The following MUC5B variants were observed in gnomAD, a reference collection of about 807,000 sequenced individuals.
The protein encoded by MUC5B is mucin 5B, oligomeric mucus/gel-forming.
A neutral mutation model predicts 376.9 loss-of-function variants in MUC5B; 116 were observed. The observed-to-expected ratio is 0.31, with a 90% CI of 0.26 to 0.36. MUC5B has a LOEUF of 0.36. MUC5B is among the 10% of genes least tolerant of loss of function. MUC5B has a pLI of 1.00. For synonymous variants in MUC5B, 3,517 were observed against 3,390.9 expected, an observed-to-expected ratio of 1.04 and a Z score of -1.29; for missense variants, 7,165 against 7,769.9, an observed-to-expected ratio of 0.92 and a Z score of 2.93.
At chr11:1,236,626 G>A (rs1448653278) in intron 24 of MUC5B, 64 bp downstream of exon 24, 19 of 1,529,294 alleles carry the variant, frequency 1.2e-5, no homozygotes, top group Middle Eastern at 1.9e-4. Flanking sequence ...AAACCCTGGT[G>A]CCAGGTGGGG....
At position 1,242,843 on chromosome 11, in the gene MUC5B, T is replaced by C. The variant is rs200551317; in HGVS notation, c.5963T>C (p.Leu1988Pro). 475 of 1,610,726 alleles carry C rather than the reference T, an allele frequency of 2.9e-4. No individual in the cohort carries two copies. In the African/African-American group the frequency reaches 5.8e-3, roughly 20 times the overall value. Reference sequence around the variant, plus strand: ...GTTACACCCATCCCCTCTTCCTCCCTGGGCACCACCTGGACCCGCCTATCA... The same window carrying C: ...GTTACACCCATCCCCTCTTCCTCCCCGGGCACCACCTGGACCCGCCTATCA... ...TSVTPIPSSSLGTTWTRLSQT... is the reference protein window; with the variant it reads ...TSVTPIPSSSPGTTWTRLSQT... Residue 1988 changes from leucine to proline, a missense_variant, in exon 31 of 49, where the codon CTG (leucine) becomes CCG (proline). Physicochemically the swap from Leu to Pro is moderately conservative, Grantham distance 98 (BLOSUM62 -3). Coordinates refer to ENST00000529681, the MANE Select transcript of MUC5B (RefSeq NM_002458.3).
At chr11:1,255,312 C>T (rs188561431) in intron 36 of MUC5B, 46 bp downstream of exon 36, 33,590 of 1,512,138 alleles carry the variant, frequency 0.022, 508 homozygotes, top group Non-Finnish European at 0.025. Context: ...CGCCCCCGCC[C>T]GCCCGCATGC....
At chr11:1,238,584 ATGGGCAGGTGCATAGG>A (rs915265548) in intron 25 of MUC5B, among the ~76,000 whole-genome samples, 5 of 152,290 alleles carry the variant, frequency 3.3e-5, no homozygotes, top group Admixed American at 6.5e-5. Flanking sequence ...AGGCAGGCAG[ATGGGCAGGTGCATAGG>A]TGGGCAGGTG....
Position 1,244,788 on chromosome 11 carries a change from A to G in MUC5B, c.7908A>G (p.Thr2636=), listed in dbSNP as rs1862405187. The change falls in exon 31 of 49, where the codon ACA becomes ACG. Residue 2636 remains threonine, a synonymous_variant. Coordinates refer to ENST00000529681, the MANE Select transcript of MUC5B (RefSeq NM_002458.3). ...GCACGCTTCCAGTGTGGATCAGCACAACCACCACACCCACAACCAGAGGTT... is the reference window on the plus strand; with the variant it reads ...GCACGCTTCCAGTGTGGATCAGCACGACCACCACACCCACAACCAGAGGTT... ...TARTLPVWIS[T]TTTPTTRGST... is the part of the protein sequence containing the mutation. 1 of 1,612,116 alleles carries G rather than the reference A, an allele frequency of 6.2e-7. No homozygotes were observed. The highest frequency in any genetic ancestry group is 1.7e-5 in the Admixed American group (1 of 59,818).
chr11:1,229,086 G>C (rs1861962350), intron 8 of MUC5B, 84 bp from the exon 9 acceptor site: 2 of 1,407,838 alleles, frequency 1.4e-6, no homozygotes, highest in African/African-American at 2.9e-5. Flanking sequence ...ATGGCATGTG[G>C]AAGGCCGTGG....
chr11:1,239,393 G>A (rs1285790266), intron 26 of MUC5B, 45 bp from the exon 27 acceptor site: 2 of 1,574,162 alleles, frequency 1.3e-6, no homozygotes, highest in East Asian at 4.5e-5. Flanking sequence ...CAACAGGGGT[G>A]AGGGCTGGTG....
At position 1,250,413 on chromosome 11, in the gene MUC5B, A is replaced by T. The variant is rs1862642559; in HGVS notation, c.13533A>T (p.Arg4511Ser). 1.2e-6 allele frequency: 2 copies of T among 1,611,644 alleles called. No individual in the cohort carries two copies. The highest frequency in any genetic ancestry group is 1.7e-6 in the Non-Finnish European group (2 of 1,179,110). ...CTGCAACTGCCCTTCCAGCACTGAG[A>T]AGCACAGCCACCACACCCACAGCTA... ...PGTATALPAL[R>S]STATTPTATS... is the part of the protein sequence containing the mutation. Residue 4511 changes from arginine to serine, a missense_variant, in exon 31 of 49, where the codon AGA (arginine) becomes AGT (serine). Arg to Ser is a moderately radical substitution (Grantham distance 110). Transcript: ENST00000529681.
rs986470188 is a variant in MUC5B at position 1,227,363 on chromosome 11, A to G, written c.632A>G (p.Asn211Ser). 3 of 1,612,486 alleles carry G rather than the reference A, an allele frequency of 1.9e-6. No individual in the cohort carries two copies. Among genetic ancestry groups the G allele is most frequent in the South Asian group, 2.2e-5 (2 of 91,040 alleles). The change falls in exon 6 of 49, where the codon AAC becomes AGC. Residue 211 changes from asparagine to serine, a missense_variant. Physicochemically the swap from Asn to Ser is conservative, Grantham distance 46 (BLOSUM62 1). This residue lies in a region of MUC5B where 640 missense variants were observed against 733.0 expected (regional missense o/e 0.87). Transcript: ENST00000529681. Reference sequence around the variant, plus strand: ...ACCTGTGGCCTGTGTGGGGACTTCAACGGCCTCCCGGCCTTCAACGAGTTC... The same window carrying G: ...ACCTGTGGCCTGTGTGGGGACTTCAGCGGCCTCCCGGCCTTCAACGAGTTC... ...NQTCGLCGDFNGLPAFNEFYA... is the reference protein window; with the variant it reads ...NQTCGLCGDFSGLPAFNEFYA...
At chr11:1,223,371 C>T in intron 1 of MUC5B, 178 bp downstream of exon 1, 1 of 688,036 alleles carries the variant, frequency 1.5e-6, no homozygotes, top group Non-Finnish European at 2.7e-6. Flanking sequence ...CCCACGGGCT[C>T]ACAGTGTCAG....
chr11:1,251,500 G>A lies in MUC5B; in HGVS notation c.14620G>A (p.Ala4874Thr). 1 of 1,557,168 alleles carries A rather than the reference G, an allele frequency of 6.4e-7. No homozygotes were observed. The highest frequency in any genetic ancestry group is 8.8e-7 in the Non-Finnish European group (1 of 1,134,474). ...TATASSTLGT[A>T]HTPKVVTTMA... Reference sequence around the variant, plus strand: ...CACCGCCTCCTCCACTCTGGGAACAGCTCACACCCCCAAAGTGGTGACCAC... The same window carrying A: ...CACCGCCTCCTCCACTCTGGGAACAACTCACACCCCCAAAGTGGTGACCAC... Residue 4874 changes from alanine to threonine, a missense_variant, in exon 31 of 49, where the codon GCT becomes ACT. By Grantham distance (58) the Ala-to-Thr change is moderately conservative (BLOSUM62 0). Coordinates refer to ENST00000529681, the MANE Select transcript of MUC5B (RefSeq NM_002458.3).
intron 35 of MUC5B, 61 bp downstream of exon 35, chr11:1,254,941 G>A (rs1027565226): frequency 2.4e-5 from 26 of 1,104,440 alleles, no homozygotes; most frequent in African/African-American, 8.2e-5. Context: ...AACCCAGTGA[G>A]CATAGGGGAA....
At chr11:1,224,021 C>T (rs1008778458) in intron 1 of MUC5B, among the ~76,000 whole-genome samples, 4 of 152,252 alleles carry the variant, frequency 2.6e-5, no homozygotes, top group Non-Finnish European at 5.9e-5. Flanking sequence ...GGGCTGGAGG[C>T]AGGGGGCTTC....
chr11:1,252,226 C>T (rs1295947632), intron 31 of MUC5B, 117 bp from the exon 32 acceptor site: 1 of 1,044,588 alleles, frequency 9.6e-7, no homozygotes, highest in Non-Finnish European at 1.4e-6. Flanking sequence ...GCCCTCTCCA[C>T]TCCCTTCCCT....
intron 31 of MUC5B, among the ~76,000 whole-genome samples, 176 bp from the exon 32 acceptor site, chr11:1,252,167 T>G (rs551564371): frequency 2.0e-5 from 3 of 152,126 alleles, no homozygotes; most frequent in Non-Finnish European, 4.4e-5. Context: ...CTGGTCACAA[T>G]CCGTCCCCAG....
In MUC5B at chr11:1,251,350, A is replaced by G. The variant is rs770239137; in HGVS notation, c.14470A>G (p.Thr4824Ala). Residue 4824 changes from threonine (T) to alanine (A), a missense_variant, in exon 31 of 49, where the codon ACA (threonine) becomes GCA (alanine). By Grantham distance (58) the Thr-to-Ala change is moderately conservative. This residue lies in a region of MUC5B where 730 missense variants were observed against 592.7 expected (regional missense o/e 1.23). Coordinates refer to ENST00000529681, the MANE Select transcript of MUC5B (RefSeq NM_002458.3). ...GACCCGGATCCTCACTGAGCTGACCACAACAGCCACTACAACTGCAGCCAC... is the reference window on the plus strand; with the variant it reads ...GACCCGGATCCTCACTGAGCTGACCGCAACAGCCACTACAACTGCAGCCAC... ...GTTRILTELTTTATTTAATGS... is the reference protein window; with the variant it reads ...GTTRILTELTATATTTAATGS... 6.2e-6 allele frequency: 10 copies of G among 1,611,472 alleles called. No individual in the cohort carries two copies. The highest frequency in any genetic ancestry group is 4.5e-5 in the East Asian group (2 of 44,856).
chr11:1,260,788 C>A (rs370774190), intron 48 of MUC5B, 60 bp downstream of exon 48: 1 of 1,294,698 alleles, frequency 7.7e-7, no homozygotes. Context: ...CGCCCTGGCC[C>A]GTCAGCTGGC....
rs1862445082 is a variant in MUC5B, at chr11:1,245,916, G to GCC, written c.9036_9037insCC (p.Ser3013ProfsTer14). The GCC allele has an allele frequency of 6.2e-7, 1 of 1,612,136 alleles. No homozygotes were observed. Among genetic ancestry groups the GCC allele is most frequent in the Non-Finnish European group, 8.5e-7 (1 of 1,179,532 alleles). On this transcript the variant is annotated frameshift_variant, in exon 31 of 49. Transcript: ENST00000529681. LOFTEE classifies it high-confidence loss of function. ...CAACCACTGGATCCACGGCCATCCC[G>GCC]TCCTCCACCCCGGGAACAGCTCCCC...
intron 5 of MUC5B, 28 bp downstream of exon 5, chr11:1,227,173 C>T (rs1458927391): frequency 6.2e-7 from 1 of 1,600,178 alleles, no homozygotes; most frequent in Non-Finnish European, 8.5e-7. Context: ...CCCCTTGCCC[C>T]TTCAGGCCTG....
At chr11:1,236,873 C>T (rs1171525253) in intron 24 of MUC5B, 52 bp from the exon 25 acceptor site, 84 of 1,397,152 alleles carry the variant, frequency 6.0e-5, no homozygotes, top group Non-Finnish European at 7.3e-5. Context: ...CTGCCTCCCA[C>T]GGGTGCCTGT....
Sources: gnomAD v4.1 joint callset for allele counts (sites outside exome capture counted in the v4.1 genomes callset) on GRCh38, gnomAD v4.1.1 for gene constraint, gnomAD v4.1.1 regional missense constraint, MANE v1.5 for transcripts, NCBI Gene and HGNC (gene_info 2026-07-23, HGNC 2026-07-21) for gene names.